RB1CC1: variants seen among roughly 807,000 people sequenced by gnomAD.
The protein encoded by RB1CC1 is RB1-inducible coiled-coil protein 1.
RB1CC1 carries 46 observed loss-of-function variants against 177.5 expected under a neutral mutation model. The ratio of observed to expected loss-of-function variants is 0.26; its 90% CI spans 0.20 to 0.33. The LOEUF (loss-of-function observed/expected upper bound fraction) is 0.33, where lower values mean the gene tolerates loss of function less well. Among genes scored for constraint, RB1CC1 ranks in the 10% least tolerant of loss-of-function variants. The pLI is 1.00. For missense variants in RB1CC1, 1,703 were observed against 1,816.3 expected (o/e 0.94, Z 1.13); for synonymous variants, 666 against 613.6 (o/e 1.09, Z -1.26).
intron 23 of RB1CC1, among the ~76,000 whole-genome samples, chr8:52,624,479 C>T (rs1848243606): frequency 6.6e-6 from 1 of 151,866 alleles, no homozygotes; most frequent in Non-Finnish European, 1.5e-5. Flanking sequence ...TCATAGAACA[C>T]AGACTTCGTA....
intron 18 of RB1CC1, among the ~76,000 whole-genome samples, chr8:52,641,976 A>C (rs1849625825): frequency 1.3e-5 from 2 of 152,084 alleles, no homozygotes; most frequent in South Asian, 2.1e-4. Context: ...TAATAATAAT[A>C]ATAAAAAACC....
chr8:52,642,321 T>C (rs1849652040), intron 18 of RB1CC1, 30 bp downstream of exon 18: 1 of 1,591,914 alleles, frequency 6.3e-7, no homozygotes, highest in Non-Finnish European at 8.6e-7. Flanking sequence ...TGCAACAGCC[T>C]TAAAAACAGT....
intron 1 of RB1CC1, among the ~76,000 whole-genome samples, chr8:52,696,333 C>T (rs865852717): frequency 1.2e-4 from 18 of 152,300 alleles, no homozygotes; most frequent in Middle Eastern, 3.4e-3. Context: ...TGAGCCACCA[C>T]GCCCGGCCTA....
intron 15 of RB1CC1, among the ~76,000 whole-genome samples, chr8:52,654,667 T>C (rs1850923573): frequency 6.6e-6 from 1 of 152,202 alleles, no homozygotes; most frequent in Admixed American, 6.5e-5. Flanking sequence ...GGCTTCGACC[T>C]TGACATCTAT....
intron 16 of RB1CC1, among the ~76,000 whole-genome samples, chr8:52,644,698 TA>T (rs1295124596): frequency 1.3e-5 from 2 of 152,188 alleles, no homozygotes; most frequent in Non-Finnish European, 2.9e-5. Flanking sequence ...CCCTAGGCCT[TA>T]AAAATCTAAA....
At chr8:52,673,027 C>T (rs1252395825) in intron 7 of RB1CC1, among the ~76,000 whole-genome samples, 1 of 152,200 alleles carries the variant, frequency 6.6e-6, no homozygotes, top group Admixed American at 6.5e-5. Flanking sequence ...TTCCATTTTA[C>T]TATATCCTAT....
chr8:52,659,700 T>C (rs763443592), intron 12 of RB1CC1, among the ~76,000 whole-genome samples: 2 of 152,258 alleles, frequency 1.3e-5, no homozygotes, highest in Middle Eastern at 3.4e-3. Flanking sequence ...TAGAAACATG[T>C]TTAACAGCTA....
chr8:52,634,837 C>T, intron 20 of RB1CC1, 84 bp downstream of exon 20: 1 of 1,194,502 alleles, frequency 8.4e-7, no homozygotes, highest in Non-Finnish European at 1.2e-6. Flanking sequence ...AGCATACATC[C>T]TCTGATGGAA....
intron 1 of RB1CC1, among the ~76,000 whole-genome samples, chr8:52,700,861 C>T (rs558764858): frequency 6.6e-6 from 1 of 152,334 alleles, no homozygotes; most frequent in South Asian, 2.1e-4. Flanking sequence ...TCTCAGACTA[C>T]ACTCTCAATC....
chr8:52,695,486 G>A (rs753181061), intron 1 of RB1CC1, among the ~76,000 whole-genome samples: 8 of 152,164 alleles, frequency 5.3e-5, no homozygotes, highest in Non-Finnish European at 8.8e-5. Flanking sequence ...GTGTAGCAAC[G>A]TGACTCATGT....
In RB1CC1 at chr8:52,661,725, A is replaced by AG; in HGVS notation, c.1174-7dup. On this transcript the variant is annotated splice_polypyrimidine_tract_variant and splice_region_variant and intron_variant, in intron 8 of 23. Coordinates refer to ENST00000025008, the MANE Select transcript of RB1CC1 (RefSeq NM_014781.5). ...TTCTGATTAGCTAAAAATCCCTTTG[A>AG]GAAAAAAAATGTTTCAAAGGACATT... is the stretch of plus-strand genomic sequence containing the variant. The AG allele has an allele frequency of 6.5e-7, 1 of 1,540,014 alleles. No individual in the cohort carries two copies. Among genetic ancestry groups the AG allele is most frequent in the East Asian group, 2.3e-5 (1 of 42,792 alleles).
At chr8:52,631,625 G>A (rs1210136794) in intron 20 of RB1CC1, among the ~76,000 whole-genome samples, 1 of 152,106 alleles carries the variant, frequency 6.6e-6, no homozygotes, top group Non-Finnish European at 1.5e-5. Context: ...ACACAAAAAT[G>A]TCTACAAATG....
intron 1 of RB1CC1, among the ~76,000 whole-genome samples, chr8:52,691,347 T>C (rs1018648513): frequency 6.6e-6 from 1 of 152,174 alleles, no homozygotes; most frequent in Non-Finnish European, 1.5e-5. Flanking sequence ...ACTAATCTCT[T>C]CATTTGACAT....
rs558883215 is a variant in RB1CC1 at position 52,709,949 on chromosome 8, T to C, written c.-167+4126A>G. Among the ~76,000 whole-genome samples the C allele has an allele frequency of 9.2e-5, 14 of 152,268 alleles. No individual in the cohort carries two copies. In the South Asian group the frequency reaches 2.5e-3, roughly 27 times the overall value. On this transcript the variant is annotated intron_variant, in intron 1 of 23. Coordinates refer to ENST00000025008, the MANE Select transcript of RB1CC1 (RefSeq NM_014781.5). ...ATGCTTTCCAGCTGAATAGAACACA[T>C]GAGACTCAGATAACCCTAAAGTGGA...
intron 18 of RB1CC1, among the ~76,000 whole-genome samples, chr8:52,636,754 A>T (rs1849172618): frequency 6.6e-6 from 1 of 152,156 alleles, no homozygotes; most frequent in South Asian, 2.1e-4. Context: ...ATTTAAGTCA[A>T]CCTGCGCATA....
chr8:52,658,645 C>T (rs899193761), intron 13 of RB1CC1, among the ~76,000 whole-genome samples: 2 of 147,832 alleles, frequency 1.4e-5, no homozygotes, highest in Admixed American at 6.7e-5. Context: ...AAAGTAACTA[C>T]TAGAAAAAAA....
intron 7 of RB1CC1, among the ~76,000 whole-genome samples, chr8:52,670,859 G>T (rs1479777404): frequency 2.0e-5 from 3 of 151,936 alleles, no homozygotes; most frequent in South Asian, 2.1e-4. Flanking sequence ...GTGGTGGCGG[G>T]TGCCTGTAGT....
At chr8:52,707,846 C>A (rs895133772) in intron 1 of RB1CC1, among the ~76,000 whole-genome samples, 1 of 152,130 alleles carries the variant, frequency 6.6e-6, no homozygotes. Flanking sequence ...GCTAGATTAA[C>A]ATAAAAATGG....
intron 22 of RB1CC1, among the ~76,000 whole-genome samples, chr8:52,627,103 C>G (rs186003912): frequency 2.0e-5 from 3 of 151,972 alleles, no homozygotes; most frequent in Admixed American, 2.0e-4. Flanking sequence ...AATCCCAGCA[C>G]TTTGGGAGCC....
Sources: gnomAD v4.1 joint callset for allele counts (sites outside exome capture counted in the v4.1 genomes callset) on GRCh38, gnomAD v4.1.1 for gene constraint, MANE v1.5 for transcripts, NCBI Gene and HGNC (gene_info 2026-07-23, HGNC 2026-07-21) for gene names.